Variants in TMEM132D observed in about 807,000 individuals in gnomAD.
The protein encoded by TMEM132D is transmembrane protein 132D.
A neutral mutation model predicts 62.3 loss-of-function variants in TMEM132D; 21 were observed. The ratio of observed to expected loss-of-function variants is 0.34; its 90% CI spans 0.24 to 0.49. The LOEUF is 0.49. Among genes scored for constraint, TMEM132D ranks in the 20% least tolerant of loss-of-function variants. TMEM132D has a pLI of 0.99. For synonymous variants in TMEM132D, 621 were observed against 575.6 expected, an observed-to-expected ratio of 1.08 and a Z score of -1.13; for missense variants, 1,346 against 1,402.8, an observed-to-expected ratio of 0.96 and a Z score of 0.65.
rs140624979 is a variant in TMEM132D, at chr12:129,379,577, G to A, written c.1116-41760C>T. Among the ~76,000 whole-genome samples, 1,425 of 152,308 alleles carry A rather than the reference G, an allele frequency of 9.4e-3. 10 individuals carry two copies. The highest frequency in any genetic ancestry group is 0.027 in the Middle Eastern group (8 of 294). On this transcript the variant is annotated intron_variant, in intron 3 of 8. Coordinates refer to ENST00000422113, the MANE Select transcript of TMEM132D (RefSeq NM_133448.3). ...AGTCTTTAACATCTGAACCTGGCAC[G>A]ATGACGTCTTTGTGCCTGTGTGAGT...
chr12:129,332,430 A>G (rs1340680664), intron 4 of TMEM132D, among the ~76,000 whole-genome samples: 6 of 152,218 alleles, frequency 3.9e-5, no homozygotes, highest in African/African-American at 1.4e-4. Context: ...ACCTGGCGGC[A>G]TCTCATCCCA....
At chr12:129,248,668 C>A (rs1880186092) in intron 4 of TMEM132D, among the ~76,000 whole-genome samples, 1 of 152,020 alleles carries the variant, frequency 6.6e-6, no homozygotes, top group Non-Finnish European at 1.5e-5. Context: ...GGTATTAAGC[C>A]TAGTATCCAT....
intron 5 of TMEM132D, among the ~76,000 whole-genome samples, chr12:129,154,742 T>A (rs1413630092): frequency 6.6e-6 from 1 of 152,228 alleles, no homozygotes; most frequent in Non-Finnish European, 1.5e-5. Context: ...TTTTATTTTT[T>A]AAATTAGAAC....
At chr12:129,883,034 C>T (rs541387890) in intron 1 of TMEM132D, among the ~76,000 whole-genome samples, 58 of 152,150 alleles carry the variant, frequency 3.8e-4, no homozygotes, top group Non-Finnish European at 7.5e-4. Context: ...CAGTGCAATA[C>T]ACAAGGGACA....
At chr12:129,329,125 C>T (rs572043348) in intron 4 of TMEM132D, among the ~76,000 whole-genome samples, 1 of 151,980 alleles carries the variant, frequency 6.6e-6, no homozygotes, top group East Asian at 1.9e-4. Context: ...CTCTAGAACC[C>T]AGCTCCTGCC....
intron 3 of TMEM132D, among the ~76,000 whole-genome samples, chr12:129,494,938 T>C (rs1476112409): frequency 6.6e-6 from 1 of 152,206 alleles, no homozygotes; most frequent in Non-Finnish European, 1.5e-5. Context: ...TAATGGCACA[T>C]GGCACATGCT....
intron 4 of TMEM132D, among the ~76,000 whole-genome samples, chr12:129,292,325 C>T (rs1188350276): frequency 1.3e-5 from 2 of 152,144 alleles, no homozygotes; most frequent in Non-Finnish European, 2.9e-5. Flanking sequence ...TGGAAGAAGC[C>T]CATTAGCTCC....
At chr12:129,680,066 T>C (rs1457385140) in intron 2 of TMEM132D, among the ~76,000 whole-genome samples, 1 of 152,252 alleles carries the variant, frequency 6.6e-6, no homozygotes, top group Admixed American at 6.5e-5. Flanking sequence ...CTGTTTGGTA[T>C]AACTAAGTGC....
At chr12:129,895,226 CT>C (rs1417916912) in intron 1 of TMEM132D, among the ~76,000 whole-genome samples, 1 of 152,196 alleles carries the variant, frequency 6.6e-6, no homozygotes, top group Non-Finnish European at 1.5e-5. Flanking sequence ...GGGGTGAGCG[CT>C]AATCCCAGTG....
At chr12:129,698,266 G>C (rs576486625) in intron 2 of TMEM132D, 1 of 151,812 alleles carries the variant, frequency 6.6e-6, no homozygotes. Context: ...CTTGGCCAGC[G>C]CAGATGTGTT....
At chr12:129,617,976 C>A (rs2137157041) in intron 2 of TMEM132D, among the ~76,000 whole-genome samples, 1 of 152,306 alleles carries the variant, frequency 6.6e-6, no homozygotes, top group Non-Finnish European at 1.5e-5. Flanking sequence ...TACCTCGTAG[C>A]TCTGTGGCCT....
At chr12:129,878,721 C>G (rs940188279) in intron 1 of TMEM132D, among the ~76,000 whole-genome samples, 6 of 152,122 alleles carry the variant, frequency 3.9e-5, no homozygotes, top group African/African-American at 1.4e-4. Context: ...GGATTACAGG[C>G]ACCTGCCCAG....
intron 4 of TMEM132D, among the ~76,000 whole-genome samples, chr12:129,244,898 C>T (rs984566136): frequency 1.3e-5 from 2 of 152,192 alleles, no homozygotes; most frequent in Non-Finnish European, 2.9e-5. Context: ...GCCTCTGCCT[C>T]CCAAAGTGTT....
At chr12:129,162,662 CTG>C (rs1877433721) in intron 5 of TMEM132D, among the ~76,000 whole-genome samples, 1 of 152,056 alleles carries the variant, frequency 6.6e-6, no homozygotes, top group Non-Finnish European at 1.5e-5. Flanking sequence ...TCATTTGAAA[CTG>C]TGTGGCACCT....
chr12:129,172,519 T>G (rs1877763483), intron 5 of TMEM132D, among the ~76,000 whole-genome samples: 1 of 152,242 alleles, frequency 6.6e-6, no homozygotes, highest in African/African-American at 2.4e-5. Context: ...GCTTTTGATT[T>G]AAAGTGACAG....
At chr12:129,278,926 G>A (rs929438624) in intron 4 of TMEM132D, among the ~76,000 whole-genome samples, 1 of 152,192 alleles carries the variant, frequency 6.6e-6, no homozygotes, top group Non-Finnish European at 1.5e-5. Flanking sequence ...TGGTTGTGTA[G>A]GTCCTGAGGC....
intron 5 of TMEM132D, among the ~76,000 whole-genome samples, chr12:129,099,110 A>G (rs1474128912): frequency 6.6e-6 from 1 of 152,198 alleles, no homozygotes; most frequent in East Asian, 1.9e-4. Context: ...TGCAGGCCCT[A>G]CAGACTTTGC....
intron 2 of TMEM132D, among the ~76,000 whole-genome samples, chr12:129,562,390 T>C (rs768694169): frequency 3.3e-5 from 5 of 152,198 alleles, no homozygotes; most frequent in Non-Finnish European, 7.3e-5. Flanking sequence ...AGCAAGCATT[T>C]TTCCTTCACA....
chr12:129,491,426 G>A (rs1267083661), intron 3 of TMEM132D, among the ~76,000 whole-genome samples: 1 of 152,192 alleles, frequency 6.6e-6, no homozygotes, highest in Non-Finnish European at 1.5e-5. Flanking sequence ...CGGTAGAGGT[G>A]GCCCCAGGAC....
Sources: gnomAD v4.1 joint callset for allele counts (sites outside exome capture counted in the v4.1 genomes callset) on GRCh38, gnomAD v4.1.1 for gene constraint, MANE v1.5 for transcripts, NCBI Gene and HGNC (gene_info 2026-07-23, HGNC 2026-07-21) for gene names.